The following THADA variants were observed in gnomAD, a reference collection of about 807,000 sequenced individuals.
THADA encodes THADA armadillo repeat containing.
THADA carries 213 observed loss-of-function variants against 219.8 expected under a neutral mutation model. The observed-to-expected ratio is 0.97, with a 90% CI of 0.87 to 1.09. The LOEUF (loss-of-function observed/expected upper bound fraction) is 1.09. Among genes scored for constraint, THADA ranks in the 50% least tolerant of loss-of-function variants. The pLI, the probability that THADA is intolerant of heterozygous loss-of-function variation, is 0.00. For missense variants in THADA, 2,956 were observed against 2,311.3 expected (o/e 1.28, Z -5.72); for synonymous variants, 1,018 against 828.9 (o/e 1.23, Z -3.92).
intron 26 of THADA, among the ~76,000 whole-genome samples, chr2:43,450,395 G>A (rs1664680285): frequency 6.6e-6 from 1 of 152,098 alleles, no homozygotes; most frequent in Non-Finnish European, 1.5e-5. Flanking sequence ...CAGAGTTTTT[G>A]TATACTACTG....
In THADA at chr2:43,546,581, T is replaced by C. The variant is rs530619122; in HGVS notation, c.3106+2629A>G. Among the ~76,000 whole-genome samples, 33 of 152,278 alleles carry C rather than the reference T, an allele frequency of 2.2e-4. No individual in the cohort carries two copies. The South Asian group carries it at 6.2e-3, about 29-fold the overall frequency. On this transcript the variant is annotated intron_variant, in intron 20 of 37. Coordinates refer to ENST00000405975, the MANE Select transcript of THADA (RefSeq NM_022065.5). ...GCATTGGGTGCATACATATTTAGGA[T>C]AGTGAGCTCTTCTTGTTGAATTGAT... is the stretch of plus-strand genomic sequence containing the variant.
intron 22 of THADA, among the ~76,000 whole-genome samples, chr2:43,524,364 A>G (rs905828231): frequency 6.6e-6 from 1 of 152,242 alleles, no homozygotes. Context: ...TTAAAAACCA[A>G]TTCAAACAAT....
intron 26 of THADA, among the ~76,000 whole-genome samples, chr2:43,456,431 A>C (rs767628339): frequency 6.6e-6 from 1 of 152,238 alleles, no homozygotes; most frequent in Non-Finnish European, 1.5e-5. Flanking sequence ...GGTGGGAATG[A>C]GGAAATGCAA....
intron 36 of THADA, among the ~76,000 whole-genome samples, chr2:43,246,321 C>T (rs1437837526): frequency 6.6e-6 from 1 of 152,152 alleles, no homozygotes; most frequent in Non-Finnish European, 1.5e-5. Context: ...ATGGCGAAAC[C>T]CTGTCTCTAC....
intron 31 of THADA, among the ~76,000 whole-genome samples, chr2:43,296,441 A>G (rs1040282027): frequency 4.6e-5 from 7 of 151,582 alleles, no homozygotes; most frequent in Non-Finnish European, 8.8e-5. Flanking sequence ...ACACCCAGCT[A>G]ATTTTTGTAT....
chr2:43,558,347 A>C (rs1697641506), intron 16 of THADA, among the ~76,000 whole-genome samples: 2 of 152,172 alleles, frequency 1.3e-5, no homozygotes, highest in Admixed American at 6.5e-5. Flanking sequence ...CACCCAAAGA[A>C]AGACTTTGGA....
At chr2:43,269,573 T>C (rs1344037508) in intron 36 of THADA, among the ~76,000 whole-genome samples, 1 of 152,204 alleles carries the variant, frequency 6.6e-6, no homozygotes, top group Non-Finnish European at 1.5e-5. Flanking sequence ...GAACAGCAAC[T>C]GATGGCACAC....
At chr2:43,514,691 TA>T (rs1691033326) in intron 22 of THADA, among the ~76,000 whole-genome samples, 1 of 71,606 alleles carries the variant, frequency 1.4e-5, no homozygotes, top group East Asian at 3.0e-4. Flanking sequence ...ATATTATATA[TA>T]ATATATATAA....
intron 30 of THADA, among the ~76,000 whole-genome samples, chr2:43,322,754 T>C (rs1334357942): frequency 1.4e-5 from 2 of 144,328 alleles, no homozygotes; most frequent in East Asian, 2.1e-4. Context: ...GGTGCGATCT[T>C]GGCTCACTGC....
intron 28 of THADA, among the ~76,000 whole-genome samples, chr2:43,400,689 C>T (rs1391340894): frequency 6.6e-6 from 1 of 151,848 alleles, no homozygotes; most frequent in Non-Finnish European, 1.5e-5. Context: ...AGAATGGTGG[C>T]AATGCTTTCC....
At chr2:43,405,684 T>C (rs1390825538) in intron 28 of THADA, among the ~76,000 whole-genome samples, 1 of 152,208 alleles carries the variant, frequency 6.6e-6, no homozygotes, top group Non-Finnish European at 1.5e-5. Flanking sequence ...CTTTTAAAGT[T>C]TGATTTTTTA....
At position 43,269,184 on chromosome 2, in the gene THADA, C is replaced by T. The variant is rs558639210; in HGVS notation, c.5296+10581G>A. 3.3e-5 allele frequency among the ~76,000 whole-genome samples: 5 copies of T among 152,354 alleles called. No individual in the cohort carries two copies. In the South Asian group the frequency reaches 1.0e-3, roughly 32 times the overall value. ...GCCCTGACTAACAGGGAAGACAACA[C>T]CCTGCAGCCGCGTCAGCACCAGATG... On this transcript the variant is annotated intron_variant, in intron 36 of 37. Coordinates refer to ENST00000405975, the MANE Select transcript of THADA (RefSeq NM_022065.5).
chr2:43,547,312 A>G (rs1248174900), intron 20 of THADA, among the ~76,000 whole-genome samples: 1 of 151,946 alleles, frequency 6.6e-6, no homozygotes, highest in Non-Finnish European at 1.5e-5. Context: ...TTTTTCCTTC[A>G]TTTCAACTTT....
At chr2:43,548,666 C>T (rs980001274) in intron 20 of THADA, among the ~76,000 whole-genome samples, 5 of 152,248 alleles carry the variant, frequency 3.3e-5, no homozygotes, top group Admixed American at 3.3e-4. Context: ...GTAGGACCCT[C>T]TGAGCCAGGT....
chr2:43,431,373 T>G (rs1262269689), intron 26 of THADA, among the ~76,000 whole-genome samples: 1 of 152,044 alleles, frequency 6.6e-6, no homozygotes, highest in Non-Finnish European at 1.5e-5. Flanking sequence ...CCCAGCAAAC[T>G]CCCGCCCCAC....
At chr2:43,502,430 TA>T (rs1689109405) in intron 24 of THADA, among the ~76,000 whole-genome samples, 1 of 151,422 alleles carries the variant, frequency 6.6e-6, no homozygotes, top group Non-Finnish European at 1.5e-5. Context: ...ACTAAAAATA[TA>T]AAAATTATCA....
chr2:43,573,675 T>C (rs1699533342), intron 11 of THADA, among the ~76,000 whole-genome samples: 1 of 152,248 alleles, frequency 6.6e-6, no homozygotes, highest in Non-Finnish European at 1.5e-5. Context: ...TTTTTAACAA[T>C]TTTAGTTGAA....
chr2:43,494,980 T>C (rs1688087312), intron 25 of THADA, among the ~76,000 whole-genome samples: 1 of 152,204 alleles, frequency 6.6e-6, no homozygotes, highest in African/African-American at 2.4e-5. Flanking sequence ...TTCCCTAACT[T>C]ATCAGGAAAA....
intron 28 of THADA, among the ~76,000 whole-genome samples, chr2:43,419,830 T>C (rs1056263319): frequency 6.7e-6 from 1 of 150,134 alleles, no homozygotes; most frequent in African/African-American, 2.5e-5. Flanking sequence ...AAATTTTTTT[T>C]CCCACTACAA....
Sources: allele counts gnomAD v4.1 joint callset (sites outside exome capture counted in the v4.1 genomes callset), GRCh38; gene constraint gnomAD v4.1.1; transcripts MANE v1.5; gene names NCBI Gene and HGNC (gene_info 2026-07-23, HGNC 2026-07-21).